Variants in RIMS3 observed in about 807,000 individuals in gnomAD.
RIMS3 encodes the protein regulating synaptic membrane exocytosis protein 3.
In RIMS3, 15 loss-of-function variants were observed where a neutral mutation model predicts 29.2. That is an observed-to-expected ratio of 0.51 (90% CI 0.34 to 0.79). The LOEUF (loss-of-function observed/expected upper bound fraction) is 0.79, where lower values mean the gene tolerates loss of function less well. RIMS3 is among the 30% of genes least tolerant of loss of function. The pLI, the probability that RIMS3 is intolerant of heterozygous loss-of-function variation, is 0.01. For missense variants in RIMS3, 342 were observed against 421.4 expected (o/e 0.81, Z 1.65); for synonymous variants, 161 against 170.1 (o/e 0.95, Z 0.41).
At chr1:40,647,114 C>T (rs1376794112) in intron 2 of RIMS3, among the ~76,000 whole-genome samples, 7 of 152,062 alleles carry the variant, frequency 4.6e-5, no homozygotes, top group South Asian at 2.1e-4. Flanking sequence ...CTCCTGACCT[C>T]GTGATCTGCC....
intron 1 of RIMS3, among the ~76,000 whole-genome samples, chr1:40,652,631 TG>T (rs1356731273): frequency 2.0e-5 from 3 of 151,944 alleles, no homozygotes; most frequent in Admixed American, 6.6e-5. Flanking sequence ...GCAGCGCAGT[TG>T]GAGAGGAGGT....
the RIMS3 span, among the ~76,000 whole-genome samples, chr1:40,674,408 A>C: frequency 0.012 from 1,864 of 152,324 alleles, 51 homozygotes; most frequent in African/African-American, 0.043. Flanking sequence ...TGGCCCCTCC[A>C]GCCTCTAGAC....
Position 40,633,184 on chromosome 1 carries a change from G to A in RIMS3, c.360-3C>T. 1 of 1,612,442 alleles carries A rather than the reference G, an allele frequency of 6.2e-7. No individual in the cohort carries two copies. The highest frequency in any genetic ancestry group is 8.5e-7 in the Non-Finnish European group (1 of 1,178,550). On this transcript the variant is annotated splice_polypyrimidine_tract_variant and splice_region_variant and intron_variant, in intron 4 of 7. Transcript: ENST00000372684. ...GCCGGGTAGTGGGGAAGATGAACCT[G>A]CAGGAGGAGGCAGAGGGACGCGTGA...
intron 1 of RIMS3, among the ~76,000 whole-genome samples, chr1:40,659,829 G>GA (rs1376341894): frequency 6.6e-6 from 1 of 152,218 alleles, no homozygotes; most frequent in Non-Finnish European, 1.5e-5. Context: ...TCCTGCAGCT[G>GA]AGGGAGAGTG....
At chr1:40,691,505 C>T in the RIMS3 span, 1 of 306,034 alleles carries the variant, frequency 3.3e-6, no homozygotes, top group South Asian at 2.3e-5. Context: ...TCCGGATCCC[C>T]CGAAAGGGGG....
At chr1:40,670,347 G>A (rs185814003), upstream of RIMS3, among the ~76,000 whole-genome samples, 203 of 151,730 alleles carry the variant, frequency 1.3e-3, no homozygotes, top group African/African-American at 4.8e-3. Flanking sequence ...ATCTTTGAAT[G>A]CTCCCCAAGG....
intron 1 of RIMS3, among the ~76,000 whole-genome samples, chr1:40,661,017 C>T (rs1320024239): frequency 6.6e-6 from 1 of 152,152 alleles, no homozygotes; most frequent in Non-Finnish European, 1.5e-5. Flanking sequence ...ACTTCTTCCT[C>T]TTGGGCAAAC....
the RIMS3 span, among the ~76,000 whole-genome samples, chr1:40,682,456 T>C: frequency 6.6e-6 from 1 of 152,062 alleles, no homozygotes; most frequent in Non-Finnish European, 1.5e-5. Flanking sequence ...TGACTGACCA[T>C]GGTTCTGATT....
rs1410754396 is a variant in RIMS3, at chr1:40,636,022, G to A, written c.253C>T (p.Arg85Trp). ...ACCGCGATGCCTGTCTCCGTGCTCC[G>A]GCGGATGTTGCTGCGCAGCTTCTTG... The part of the protein sequence containing the change: ...ATKKLRSNIR[R>W]STETGIAVEM... The change falls in exon 4 of 8, where the codon CGG becomes TGG. Residue 85 changes from arginine to tryptophan, a missense_variant. Coordinates refer to ENST00000372684, the MANE Select transcript of RIMS3 (RefSeq NM_014747.3). The surrounding 1 kb of genome is among the most constrained non-coding windows in gnomAD (Gnocchi z 4.2). The A allele has an allele frequency of 6.2e-7, 1 of 1,606,726 alleles. No homozygotes were observed. The highest frequency in any genetic ancestry group is 8.5e-7 in the Non-Finnish European group (1 of 1,179,958).
At chr1:40,645,195 C>T (rs1359278006) in intron 2 of RIMS3, among the ~76,000 whole-genome samples, 1 of 152,132 alleles carries the variant, frequency 6.6e-6, no homozygotes, top group Non-Finnish European at 1.5e-5. Context: ...TTCGAGTTTC[C>T]AATTCTAGTG....
Position 40,654,243 on chromosome 1 carries a change from G to A in RIMS3, c.-206-6401C>T, listed in dbSNP as rs1021104496. 1.4e-5 allele frequency among the ~76,000 whole-genome samples: 2 copies of A among 147,668 alleles called. No homozygotes were observed. Among genetic ancestry groups the A allele is most frequent in the Non-Finnish European group, 1.5e-5 (1 of 66,614 alleles). ...GGAAGGGGCTCCAGTTACCAGCCCC[G>A]CACCAAGCCGGAAGGCGCCGCCCGC... is the stretch of plus-strand genomic sequence containing the variant. On this transcript the variant is annotated intron_variant, in intron 1 of 7. Coordinates refer to ENST00000372684, the MANE Select transcript of RIMS3 (RefSeq NM_014747.3). This position sits in a 1 kb window ranked among gnomAD's most constrained non-coding sequence, Gnocchi z 5.3.
At chr1:40,682,741 C>CTTTTTTTTTTTTTTTT in the RIMS3 span, among the ~76,000 whole-genome samples, 348 of 77,490 alleles carry the variant, frequency 4.5e-3, 60 homozygotes, top group East Asian at 8.8e-3. Context: ...CTTTGCAGAT[C>CTTTTTTTTTTTTTTTT]TTTTTTTTTT....
In RIMS3 at chr1:40,636,576, A is replaced by T. The variant is rs753366794; in HGVS notation, c.218-519T>A. On this transcript the variant is annotated intron_variant, in intron 3 of 7. Coordinates refer to ENST00000372684, the MANE Select transcript of RIMS3 (RefSeq NM_014747.3). The surrounding 1 kb of genome is among the most constrained non-coding windows in gnomAD (Gnocchi z 4.2). The stretch of plus-strand genomic sequence containing the variant: ...GCTCTATAGGAAAGCCCCCATGGGA[A>T]GCCTGGCCACTCTCAAACAAACCCA... Among the ~76,000 whole-genome samples, 1 of 152,178 alleles carries T rather than the reference A, an allele frequency of 6.6e-6. No individual in the cohort carries two copies. Among genetic ancestry groups the T allele is most frequent in the Non-Finnish European group, 1.5e-5 (1 of 68,030 alleles).
the RIMS3 span, among the ~76,000 whole-genome samples, chr1:40,688,948 GTTTGTTTTGT>G: frequency 6.6e-6 from 1 of 152,104 alleles, no homozygotes; most frequent in Non-Finnish European, 1.5e-5. Context: ...CTTTATCAGA[GTTTGTTTTGT>G]TTTGTTTGGT....
intron 3 of RIMS3, among the ~76,000 whole-genome samples, chr1:40,638,993 C>T (rs2148348859): frequency 6.6e-6 from 1 of 152,218 alleles, no homozygotes; most frequent in African/African-American, 2.4e-5. Context: ...GGCAGGAGAG[C>T]TAGAGAGGAG....
intron 1 of RIMS3, among the ~76,000 whole-genome samples, 182 bp downstream of exon 1, chr1:40,665,212 T>A (rs1642406537): frequency 6.6e-6 from 1 of 151,080 alleles, no homozygotes; most frequent in African/African-American, 2.4e-5. Context: ...CCCTCTCTCA[T>A]CCCTTAGTCC....
chr1:40,670,574 T>TTATATATATATATGTATATA (rs1553146612), upstream of RIMS3, among the ~76,000 whole-genome samples: 5 of 71,210 alleles, frequency 7.0e-5, no homozygotes, highest in African/African-American at 3.5e-4. Flanking sequence ...AGTTATAATT[T>TTATATATATATATGTATATA]TATATATATA....
intron 1 of RIMS3, among the ~76,000 whole-genome samples, chr1:40,664,839 TG>T (rs1321233546): frequency 6.6e-6 from 1 of 152,130 alleles, no homozygotes; most frequent in Non-Finnish European, 1.5e-5. Flanking sequence ...CCCTGAACCC[TG>T]GGCTCTGCAC....
the RIMS3 span, among the ~76,000 whole-genome samples, chr1:40,677,722 T>A: frequency 0.079 from 12,041 of 151,486 alleles, 931 homozygotes; most frequent in African/African-American, 0.2. Flanking sequence ...AAATAAATAA[T>A]TAATTAAAAA....
Sources: gnomAD v4.1 joint callset for allele counts (sites outside exome capture counted in the v4.1 genomes callset) on GRCh38, gnomAD v4.1.1 for gene constraint, Gnocchi (gnomAD v3.1) non-coding constraint, MANE v1.5 for transcripts, NCBI Gene and HGNC (gene_info 2026-07-23, HGNC 2026-07-21) for gene names.